The following SMYD1 variants were observed in gnomAD, a reference collection of about 807,000 sequenced individuals.
SMYD1 encodes the protein histone-lysine N-methyltransferase SMYD1.
A neutral mutation model predicts 54.0 loss-of-function variants in SMYD1; 49 were observed. The ratio of observed to expected loss-of-function variants is 0.91; its 90% CI spans 0.72 to 1.15. The LOEUF is 1.15. Among genes scored for constraint, SMYD1 ranks in the 50% most tolerant of loss-of-function variants. SMYD1 has a pLI of 0.00. For synonymous variants in SMYD1, 269 were observed against 234.2 expected (o/e 1.15, Z -1.36); for missense variants, 653 against 639.6 (o/e 1.02, Z -0.23).
At chr2:88,105,994 G>A (rs1326894333) in intron 7 of SMYD1, among the ~76,000 whole-genome samples, 1 of 152,042 alleles carries the variant, frequency 6.6e-6, no homozygotes, top group Non-Finnish European at 1.5e-5. Context: ...TGTGGAACTT[G>A]TGCATATACA....
intron 3 of SMYD1, among the ~76,000 whole-genome samples, chr2:88,089,785 T>A (rs1279964682): frequency 6.6e-6 from 1 of 151,572 alleles, no homozygotes; most frequent in East Asian, 1.9e-4. Context: ...AGAAGCAGGG[T>A]TTCACCATAT....
chr2:88,092,293 G>T (rs1441401862), intron 4 of SMYD1, among the ~76,000 whole-genome samples: 1 of 152,152 alleles, frequency 6.6e-6, no homozygotes, highest in Non-Finnish European at 1.5e-5. Context: ...GCACATGATG[G>T]ATTTGGGGGT....
At chr2:88,103,969 CT>C (rs111800051) in intron 7 of SMYD1, among the ~76,000 whole-genome samples, 2,071 of 142,096 alleles carry the variant, frequency 0.015, 41 homozygotes, top group African/African-American at 0.043. Flanking sequence ...ATTTCTATTT[CT>C]TTTTTTTTTT....
intron 1 of SMYD1, 114 bp downstream of exon 1, chr2:88,068,115 T>A: frequency 7.2e-7 from 1 of 1,389,424 alleles, no homozygotes; most frequent in Non-Finnish European, 9.7e-7. Flanking sequence ...GTGCTCTTTT[T>A]TCAACAAAAT....
intron 2 of SMYD1, among the ~76,000 whole-genome samples, chr2:88,085,278 G>A (rs1277692005): frequency 6.6e-6 from 1 of 152,138 alleles, no homozygotes; most frequent in Admixed American, 6.5e-5. Flanking sequence ...ACACCAGAGA[G>A]TGCATTTGAG....
chr2:88,110,786 T>C lies in SMYD1; in HGVS notation c.*274T>C, dbSNP rs931081347. 1 of 369,384 alleles carries C rather than the reference T, an allele frequency of 2.7e-6. No homozygotes were observed. Among genetic ancestry groups the C allele is most frequent in the Non-Finnish European group, 4.8e-6 (1 of 208,418 alleles). 22.9% of individuals were successfully genotyped at this position (369,384 alleles called of 1,614,324 possible). On this transcript the variant is annotated 3_prime_UTR_variant, in exon 10 of 10. Transcript: ENST00000419482. ...CCAATAAAGGAGCTCCAAATGTCGT[T>C]GGGTGGGGAAGCAAAATGTAGAGAA...
At chr2:88,088,880 G>C (rs936604254) in intron 3 of SMYD1, among the ~76,000 whole-genome samples, 1 of 152,152 alleles carries the variant, frequency 6.6e-6, no homozygotes. Flanking sequence ...GCGAGAACCC[G>C]GTGGATGAGG....
intron 9 of SMYD1, among the ~76,000 whole-genome samples, chr2:88,109,958 G>A (rs1276438618): frequency 1.3e-5 from 2 of 152,092 alleles, no homozygotes; most frequent in African/African-American, 4.8e-5. Context: ...CCCAACCCAC[G>A]GTAAGGTATG....
chr2:88,068,453 T>C (rs930083944), intron 1 of SMYD1, among the ~76,000 whole-genome samples: 1 of 152,182 alleles, frequency 6.6e-6, no homozygotes, highest in African/African-American at 2.4e-5. Flanking sequence ...GAATCCACTT[T>C]CCCTTGAAAA....
chr2:88,070,086 G>A lies in SMYD1; in HGVS notation c.137+2085G>A, dbSNP rs1456804626. On this transcript the variant is annotated intron_variant, in intron 1 of 9. Transcript: ENST00000419482. ...AAGTGGGATAATTGGTATAAATGAC[G>A]TTTAAAATGATTGAAAAAAAATCTA... Among the ~76,000 whole-genome samples, 12 of 150,588 alleles carry A rather than the reference G, an allele frequency of 8.0e-5. 2 individuals are homozygous for A. In the East Asian group the frequency reaches 2.0e-3, roughly 25 times the overall value.
In SMYD1 at chr2:88,110,371, G is replaced by A. The variant is rs758333252; in HGVS notation, c.1332G>A (p.Thr444=). ...TKDLEAMRVQ[T]EMELRMFRQN... is the part of the protein sequence containing the mutation. ...TCCCACAGGCCATGCGGGTGCAGAC[G>A]GAGATGGAGCTACGCATGTTCCGCC... The change falls in exon 10 of 10, where the codon ACG becomes ACA. Residue 444 remains threonine (T), a synonymous_variant. Coordinates refer to ENST00000419482, the MANE Select transcript of SMYD1 (RefSeq NM_198274.4). 1.7e-5 allele frequency: 27 copies of A among 1,612,516 alleles called. No individual in the cohort carries two copies. The highest frequency in any genetic ancestry group is 1.6e-4 in the Middle Eastern group (1 of 6,078).
At chr2:88,104,506 G>T (rs973571270) in intron 7 of SMYD1, among the ~76,000 whole-genome samples, 3 of 152,178 alleles carry the variant, frequency 2.0e-5, no homozygotes, top group Non-Finnish European at 4.4e-5. Flanking sequence ...ATTGCCCTGG[G>T]TTCTCTCCTG....
chr2:88,071,793 T>C (rs1318538334), intron 1 of SMYD1, among the ~76,000 whole-genome samples: 3 of 151,918 alleles, frequency 2.0e-5, no homozygotes, highest in African/African-American at 7.3e-5. Flanking sequence ...GATGCACGAG[T>C]GGGTAAAAGT....
intron 2 of SMYD1, 79 bp downstream of exon 2, chr2:88,084,571 T>C (rs1324387862): frequency 2.9e-6 from 4 of 1,390,048 alleles, no homozygotes; most frequent in South Asian, 1.5e-5. Context: ...CATTCCCAGA[T>C]CTAAGGAAGC....
At chr2:88,086,563 TCC>T (rs1674330686) in intron 2 of SMYD1, among the ~76,000 whole-genome samples, 5 of 152,136 alleles carry the variant, frequency 3.3e-5, no homozygotes, top group Non-Finnish European at 5.9e-5. Context: ...AGAGCCCCGC[TCC>T]GGCCAGGCCA....
chr2:88,104,670 G>A (rs1268960325), intron 7 of SMYD1, among the ~76,000 whole-genome samples: 2 of 152,220 alleles, frequency 1.3e-5, no homozygotes, highest in East Asian at 1.9e-4. Context: ...CCACCACCTC[G>A]GGTTGCCTCA....
At chr2:88,068,978 A>G (rs1673891576) in intron 1 of SMYD1, among the ~76,000 whole-genome samples, 1 of 152,136 alleles carries the variant, frequency 6.6e-6, no homozygotes, top group South Asian at 2.1e-4. Flanking sequence ...TAGAAGAGGA[A>G]TTGCTGGGCC....
chr2:88,107,973 C>A (rs1471500104), intron 8 of SMYD1, among the ~76,000 whole-genome samples: 2 of 152,224 alleles, frequency 1.3e-5, no homozygotes, highest in Non-Finnish European at 2.9e-5. Context: ...CCGACAATCC[C>A]CAGTGAGATT....
intron 8 of SMYD1, among the ~76,000 whole-genome samples, chr2:88,107,965 G>A (rs761657460): frequency 2.6e-5 from 4 of 152,332 alleles, no homozygotes; most frequent in East Asian, 1.9e-4. Flanking sequence ...CCCACTGTCC[G>A]ACAATCCCCA....
Sources: allele counts gnomAD v4.1 joint callset (sites outside exome capture counted in the v4.1 genomes callset), GRCh38; gene constraint gnomAD v4.1.1; transcripts MANE v1.5; gene names NCBI Gene and HGNC (gene_info 2026-07-23, HGNC 2026-07-21).